SAMD5: variants seen among roughly 807,000 people sequenced by gnomAD.
SAMD5 encodes the protein sterile alpha motif domain-containing protein 5.
In SAMD5, 13 loss-of-function variants were observed where a neutral mutation model predicts 11.3. That is an observed-to-expected ratio of 1.15 (90% confidence interval 0.75 to 1.83). The LOEUF is 1.83. SAMD5 is among the 40% of genes most tolerant of loss of function. The probability of loss-of-function intolerance (pLI) is 0.00; values close to 1 mark genes in which losing one functional copy is unlikely to be tolerated. For missense variants in SAMD5, 255 were observed against 239.1 expected (o/e 1.07, Z -0.44); for synonymous variants, 129 against 111.3 (o/e 1.16, Z -1.00).
In SAMD5 at chr6:147,665,539, C is replaced by G. The variant is rs548979919; in HGVS notation, c.163-71778C>G. ...CTGCCCACAGGTGCTTATGGAATTC[C>G]TACTGTGCACATTTCACTAATCAAC... On this transcript the variant is annotated intron_variant, in intron 1 of 1. Coordinates refer to the SAMD5 transcript ENST00000566741. 7.2e-5 allele frequency among the ~76,000 whole-genome samples: 11 copies of G among 152,270 alleles called. No individual in the cohort carries two copies. In the South Asian group the frequency reaches 2.3e-3, roughly 32 times the overall value.
intron 1 of SAMD5, among the ~76,000 whole-genome samples, chr6:147,648,334 G>A (rs1031550009): frequency 2.6e-5 from 4 of 152,160 alleles, no homozygotes; most frequent in Non-Finnish European, 5.9e-5. Flanking sequence ...ATCAGATCTC[G>A]TGAGAACTCA....
the SAMD5 span, among the ~76,000 whole-genome samples, chr6:147,908,506 A>G: frequency 3.3e-5 from 5 of 152,146 alleles, no homozygotes; most frequent in South Asian, 6.2e-4. Flanking sequence ...GTGCCTGCAT[A>G]TGATTTTGTT....
At chr6:147,717,920 T>C (rs1322138408) in intron 1 of SAMD5, among the ~76,000 whole-genome samples, 1 of 152,142 alleles carries the variant, frequency 6.6e-6, no homozygotes, top group African/African-American at 2.4e-5. Flanking sequence ...CAACAAGATA[T>C]TCACATTGTT....
chr6:147,937,352 A>G, the SAMD5 span, among the ~76,000 whole-genome samples: 3 of 152,194 alleles, frequency 2.0e-5, no homozygotes, highest in African/African-American at 7.2e-5. Context: ...TGCTTATGTC[A>G]TCTGTAACAG....
At chr6:147,528,718 C>T (rs1262463725) in intron 1 of SAMD5, among the ~76,000 whole-genome samples, 2 of 152,190 alleles carry the variant, frequency 1.3e-5, no homozygotes, top group Non-Finnish European at 2.9e-5. Context: ...AATCTAACAG[C>T]TGATGAAACT....
At chr6:147,867,824 TA>T in the SAMD5 span, among the ~76,000 whole-genome samples, 2 of 152,122 alleles carry the variant, frequency 1.3e-5, no homozygotes, top group Non-Finnish European at 2.9e-5. Flanking sequence ...ATAGTCAGCT[TA>T]AAAAATTGGT....
At chr6:147,633,400 G>A (rs576303972) in intron 1 of SAMD5, among the ~76,000 whole-genome samples, 116 of 152,172 alleles carry the variant, frequency 7.6e-4, no homozygotes, top group African/African-American at 2.6e-3. Flanking sequence ...TGTCGCCAGC[G>A]GGGGAAATAG....
chr6:147,866,571 AT>A, the SAMD5 span, among the ~76,000 whole-genome samples: 2 of 152,180 alleles, frequency 1.3e-5, no homozygotes, highest in African/African-American at 4.8e-5. Flanking sequence ...GGCAGTTTTA[AT>A]TATCCTCTGT....
intron 1 of SAMD5, among the ~76,000 whole-genome samples, chr6:147,599,303 T>G (rs946253807): frequency 6.6e-6 from 1 of 152,210 alleles, no homozygotes; most frequent in Non-Finnish European, 1.5e-5. Context: ...CTAAGAGCTT[T>G]GTATTTTCAG....
At chr6:147,780,207 T>G in the SAMD5 span, among the ~76,000 whole-genome samples, 1 of 151,626 alleles carries the variant, frequency 6.6e-6, no homozygotes. Flanking sequence ...CTTAATTCTT[T>G]TTTTTTTTTT....
In SAMD5 at chr6:147,700,406, C is replaced by T. The variant is rs140290043; in HGVS notation, c.163-36911C>T. 1.4e-3 allele frequency among the ~76,000 whole-genome samples: 214 copies of T among 152,200 alleles called. 1 individual carries two copies. The highest frequency in any genetic ancestry group is 4.8e-3 in the African/African-American group (201 of 41,528). On this transcript the variant is annotated intron_variant, in intron 1 of 1. Transcript: ENST00000566741. Reference sequence around the variant, plus strand: ...GCAGGTGCATAGTTTAGATTTCACCCCCATTTTTCTTATCTAAGTCCCAGA... The same window carrying T: ...GCAGGTGCATAGTTTAGATTTCACCTCCATTTTTCTTATCTAAGTCCCAGA...
At chr6:147,796,622 A>T in the SAMD5 span, among the ~76,000 whole-genome samples, 1 of 152,202 alleles carries the variant, frequency 6.6e-6, no homozygotes. Flanking sequence ...TGGTAGCTTG[A>T]TGGGGATGGC....
chr6:147,700,098 C>T (rs1791230633), intron 1 of SAMD5, among the ~76,000 whole-genome samples: 2 of 152,144 alleles, frequency 1.3e-5, no homozygotes, highest in Admixed American at 1.3e-4. Flanking sequence ...ATGTTTTAAA[C>T]CCATGCTTCC....
At chr6:147,660,536 G>A (rs1790632986) in intron 1 of SAMD5, among the ~76,000 whole-genome samples, 1 of 152,150 alleles carries the variant, frequency 6.6e-6, no homozygotes, top group Non-Finnish European at 1.5e-5. Context: ...CTGTGTCCCT[G>A]CCAAAATCTC....
intron 1 of SAMD5, among the ~76,000 whole-genome samples, chr6:147,554,330 T>C (rs990076070): frequency 3.3e-5 from 5 of 152,126 alleles, no homozygotes; most frequent in African/African-American, 1.2e-4. Context: ...AGCCAAACCA[T>C]ATCAACATGC....
intron 1 of SAMD5, among the ~76,000 whole-genome samples, chr6:147,673,884 A>G (rs187613216): frequency 6.6e-6 from 1 of 152,144 alleles, no homozygotes; most frequent in Non-Finnish European, 1.5e-5. Flanking sequence ...TCAGTTTGTC[A>G]GAAAAAAAAG....
the SAMD5 span, among the ~76,000 whole-genome samples, chr6:147,809,390 G>T: frequency 2.0e-5 from 3 of 152,098 alleles, no homozygotes; most frequent in African/African-American, 4.8e-5. Flanking sequence ...GAGTGGCACT[G>T]TGGAGAACGG....
At chr6:147,579,325 G>A (rs1343115402) in intron 1 of SAMD5, among the ~76,000 whole-genome samples, 1 of 152,212 alleles carries the variant, frequency 6.6e-6, no homozygotes, top group Admixed American at 6.5e-5. Context: ...GGATTTTGAT[G>A]AGCATAAAGG....
the SAMD5 span, among the ~76,000 whole-genome samples, chr6:147,770,398 G>A: frequency 5.3e-5 from 8 of 152,178 alleles, no homozygotes; most frequent in Non-Finnish European, 1.0e-4. Flanking sequence ...AAATCCACAT[G>A]AACTTATGAC....
Sources: gnomAD v4.1 joint callset for allele counts (sites outside exome capture counted in the v4.1 genomes callset) on GRCh38, gnomAD v4.1.1 for gene constraint, MANE v1.5 for transcripts, NCBI Gene and HGNC (gene_info 2026-07-23, HGNC 2026-07-21) for gene names.